The following TENM1 variants were observed in gnomAD, a reference collection of about 807,000 sequenced individuals.
TENM1 encodes teneurin transmembrane protein 1.
A neutral mutation model predicts 174.8 loss-of-function variants in TENM1; 35 were observed. That is an observed-to-expected ratio of 0.20 (90% CI 0.15 to 0.27). The LOEUF (loss-of-function observed/expected upper bound fraction) is 0.27, where lower values mean the gene tolerates loss of function less well. TENM1 is among the 10% of genes least tolerant of loss of function. The pLI is 1.00. For missense variants in TENM1, 1,633 were observed against 2,130.1 expected (o/e 0.77, Z 4.59); for synonymous variants, 781 against 798.7 (o/e 0.98, Z 0.37).
chrX:125,203,240 GC>G, the TENM1 span, among the ~76,000 whole-genome samples: 1 of 112,998 alleles, frequency 8.8e-6, no homozygotes, highest in East Asian at 2.8e-4. Flanking sequence ...GTGCGTCCTA[GC>G]CCTTGGGCAT....
chrX:125,017,582 T>C, the TENM1 span, among the ~76,000 whole-genome samples: 2 of 111,745 alleles, frequency 1.8e-5, no homozygotes, highest in African/African-American at 3.3e-5. Context: ...TGTATGTTTA[T>C]TGCAGCACTG....
intron 3 of TENM1, among the ~76,000 whole-genome samples, chrX:124,880,154 T>C: frequency 8.9e-6 from 1 of 112,108 alleles, no homozygotes; most frequent in Non-Finnish European, 1.9e-5. Flanking sequence ...ATTCTTCCTA[T>C]TCATGAGCAT....
chrX:124,404,669 A>G (rs2060441986), intron 27 of TENM1, among the ~76,000 whole-genome samples: 1 of 111,384 alleles, frequency 9.0e-6, no homozygotes, highest in Non-Finnish European at 1.9e-5. Context: ...CGGTCAACTC[A>G]GTGAACCTGA....
chrX:124,433,286 G>A (rs1210907763), intron 23 of TENM1, among the ~76,000 whole-genome samples: 1 of 112,093 alleles, frequency 8.9e-6, no homozygotes, highest in Non-Finnish European at 1.9e-5. Context: ...ACCTATGATT[G>A]GAAAATTAAA....
At chrX:124,642,450 G>A (rs1364774799) in intron 10 of TENM1, among the ~76,000 whole-genome samples, 1 of 112,010 alleles carries the variant, frequency 8.9e-6, no homozygotes, top group African/African-American at 3.2e-5. Flanking sequence ...TTTGAAATTT[G>A]GATTATTCAA....
intron 3 of TENM1, among the ~76,000 whole-genome samples, chrX:124,754,984 T>C (rs2054190397): frequency 1.9e-5 from 2 of 103,435 alleles, no homozygotes; most frequent in Admixed American, 1.0e-4. Flanking sequence ...GGTGGAGAGT[T>C]CTGTAGATGT....
At chrX:124,500,458 G>C (rs1159901826) in intron 19 of TENM1, among the ~76,000 whole-genome samples, 1 of 111,647 alleles carries the variant, frequency 9.0e-6, no homozygotes, top group African/African-American at 3.3e-5. Context: ...TAGAAATCTT[G>C]ATCAATTACT....
the TENM1 span, among the ~76,000 whole-genome samples, chrX:125,015,191 C>T: frequency 1.8e-5 from 2 of 111,299 alleles, no homozygotes; most frequent in Non-Finnish European, 3.8e-5. Context: ...GACAAATAAC[C>T]TAGGGTTGCC....
chrX:124,634,547 C>T (rs1459508630), intron 11 of TENM1, among the ~76,000 whole-genome samples: 3 of 110,879 alleles, frequency 2.7e-5, no homozygotes, highest in Admixed American at 9.6e-5. Flanking sequence ...GTTTGCATTA[C>T]ATTTTGAACA....
At chrX:124,461,389 T>C (rs1249080376) in intron 22 of TENM1, among the ~76,000 whole-genome samples, 2 of 111,726 alleles carry the variant, frequency 1.8e-5, no homozygotes, top group African/African-American at 6.5e-5. Flanking sequence ...ATTCCACTAC[T>C]ACTACTGGGT....
chrX:124,983,308 G>A, the TENM1 span, among the ~76,000 whole-genome samples: 2 of 111,534 alleles, frequency 1.8e-5, no homozygotes, highest in South Asian at 3.7e-4. Context: ...CTCATTGTTC[G>A]CTGCCATTGT....
At chrX:124,501,939 T>G (rs1232569086) in intron 19 of TENM1, among the ~76,000 whole-genome samples, 1 of 111,727 alleles carries the variant, frequency 9.0e-6, no homozygotes. Flanking sequence ...ACAAATGAGA[T>G]GATAAAATGA....
chrX:125,120,550 T>G, the TENM1 span, among the ~76,000 whole-genome samples: 1 of 110,844 alleles, frequency 9.0e-6, no homozygotes, highest in African/African-American at 3.3e-5. Flanking sequence ...TTTTCAAAAC[T>G]AATTCTTCTT....
the TENM1 span, among the ~76,000 whole-genome samples, chrX:125,133,552 A>G: frequency 1.2e-3 from 137 of 111,754 alleles, 3 homozygotes; most frequent in Non-Finnish European, 3.8e-4. Context: ...AAGAGAAATT[A>G]GCAGCTTTTA....
At chrX:125,180,989 G>A in the TENM1 span, among the ~76,000 whole-genome samples, 10,226 of 111,421 alleles carry the variant, frequency 0.092, 404 homozygotes, top group Middle Eastern at 0.15. Context: ...TCCACGAAGC[G>A]TTTCCAGATA....
At chrX:124,705,372 C>T (rs1006089872) in intron 4 of TENM1, 121 bp from the exon 8 acceptor site, 8 of 480,350 alleles carry the variant, frequency 1.7e-5, no homozygotes, top group Non-Finnish European at 2.8e-5. Flanking sequence ...GGATGGAGCT[C>T]AGCAACATTT....
At chrX:124,931,871 GCACA>G (rs34069865) in intron 1 of TENM1, among the ~76,000 whole-genome samples, 17,197 of 101,856 alleles carry the variant, frequency 0.17, 1,305 homozygotes, top group East Asian at 0.39. Flanking sequence ...CCAAGCGCAC[GCACA>G]CACACACACA....
intron 11 of TENM1, among the ~76,000 whole-genome samples, chrX:124,570,372 T>C (rs2049030400): frequency 9.0e-6 from 1 of 111,411 alleles, no homozygotes; most frequent in Non-Finnish European, 1.9e-5. Flanking sequence ...AATCCTGATA[T>C]AAAATTCTGA....
intron 11 of TENM1, among the ~76,000 whole-genome samples, chrX:124,630,110 G>A (rs1169477996): frequency 1.8e-5 from 2 of 112,187 alleles, no homozygotes; most frequent in Non-Finnish European, 3.8e-5. Flanking sequence ...AAAAAGAAAT[G>A]AACAAAAAGA....
Sources: gnomAD v4.1 joint callset for allele counts (sites outside exome capture counted in the v4.1 genomes callset) on GRCh38, gnomAD v4.1.1 for gene constraint, MANE v1.5 for transcripts, NCBI Gene and HGNC (gene_info 2026-07-23, HGNC 2026-07-21) for gene names.